PPP1R18: variants seen among roughly 807,000 people sequenced by gnomAD.
PPP1R18 encodes the protein phostensin.
Under a neutral mutation model 54.8 loss-of-function variants are expected in PPP1R18, and 31 were observed. That is an observed-to-expected ratio of 0.57 (90% confidence interval 0.43 to 0.76). The LOEUF is 0.76. Ranked by LOEUF, PPP1R18 falls within the 30% of genes least tolerant of loss-of-function variation. PPP1R18 has a pLI of 0.00. For missense variants in PPP1R18, 685 were observed against 776.1 expected (o/e 0.88, Z 1.39); for synonymous variants, 310 against 320.2 (o/e 0.97, Z 0.34).
rs1389817213 is a variant in PPP1R18, at chr6:30,685,429, C to G, written c.590G>C (p.Gly197Ala). 6 of 1,612,948 alleles carry G rather than the reference C, an allele frequency of 3.7e-6. No homozygotes were observed. In the African/African-American group the frequency reaches 5.3e-5, roughly 14 times the overall value. The change falls in exon 1 of 3, where the codon GGA becomes GCA. Residue 197 changes from glycine (G) to alanine (A), a missense_variant. Transcript: ENST00000274853. This position sits in a 1 kb window ranked among gnomAD's most constrained non-coding sequence, Gnocchi z 5.0. Reference protein sequence around the residue: ...SEAWKWRLSPGETPERSLRLA... With the variant: ...SEAWKWRLSPAETPERSLRLA... ...TCTCAGACTCCGCTCTGGAGTTTCT[C>G]CAGGACTCAGCCTCCATTTCCATGC...
At position 30,684,323 on chromosome 6, in the gene PPP1R18, C is replaced by G; in HGVS notation, c.1611+85G>C. 7.5e-7 allele frequency: 1 copy of G among 1,330,626 alleles called. No individual in the cohort carries two copies. Among genetic ancestry groups the G allele is most frequent in the Non-Finnish European group, 1.0e-6 (1 of 979,812 alleles). 82.4% of individuals were successfully genotyped at this position (1,330,626 alleles called of 1,614,324 possible). ...GAAAGAATAGAGGAAGACAAGAAAA[C>G]AGGGGTATAAAAAAGAAAGAGACCA... is the stretch of plus-strand genomic sequence containing the variant. On this transcript the variant is annotated intron_variant, in intron 1 of 2. Coordinates refer to ENST00000274853, the MANE Select transcript of PPP1R18 (RefSeq NM_133471.4). This position sits in a 1 kb window ranked among gnomAD's most constrained non-coding sequence, Gnocchi z 6.0.
In PPP1R18 at chr6:30,686,345, C is replaced by G. The variant is rs907928492; in HGVS notation, c.-327G>C. On this transcript the variant is annotated 5_prime_UTR_variant, in exon 1 of 3. Coordinates refer to ENST00000274853, the MANE Select transcript of PPP1R18 (RefSeq NM_133471.4). ...CACAGGGTTAATGCGTATTAAAGACCGTCTCTAGGATGTGAGAAAGAGAGA... is the reference window on the plus strand; with the variant it reads ...CACAGGGTTAATGCGTATTAAAGACGGTCTCTAGGATGTGAGAAAGAGAGA... 7.3e-5 allele frequency: 27 copies of G among 367,688 alleles called. No individual in the cohort carries two copies. Among genetic ancestry groups the G allele is most frequent in the Non-Finnish European group, 8.8e-5 (18 of 204,882 alleles). 22.8% of individuals were successfully genotyped at this position (367,688 alleles called of 1,614,324 possible).
In PPP1R18 at chr6:30,684,267, A is replaced by G. The variant is rs1770720046; in HGVS notation, c.1611+141T>C. On this transcript the variant is annotated intron_variant, in intron 1 of 2. Coordinates refer to ENST00000274853, the MANE Select transcript of PPP1R18 (RefSeq NM_133471.4). This position sits in a 1 kb window ranked among gnomAD's most constrained non-coding sequence, Gnocchi z 6.0. ...CTGAGAAGGAAGGGTGTATGTGCAG[A>G]GCGAGGAAGGGTGGTGGCAGGAATT... The G allele has an allele frequency of 1.2e-6, 1 of 830,828 alleles. No individual in the cohort carries two copies. Among genetic ancestry groups the G allele is most frequent in the Non-Finnish European group, 1.8e-6 (1 of 559,412 alleles). 51.5% of individuals were successfully genotyped at this position (830,828 alleles called of 1,614,324 possible).
In PPP1R18 at chr6:30,684,358, G is replaced by A. The variant is rs1562026186; in HGVS notation, c.1611+50C>T. 1 of 1,491,918 alleles carries A rather than the reference G, an allele frequency of 6.7e-7. No individual in the cohort carries two copies. Among genetic ancestry groups the A allele is most frequent in the Non-Finnish European group, 8.9e-7 (1 of 1,118,362 alleles). 92.4% of individuals were successfully genotyped at this position (1,491,918 alleles called of 1,614,324 possible). A position where few individuals can be genotyped will look rare whatever the true frequency, so the allele number is the denominator to read the frequency against. ...AAAAAGAAAGAGACCAGAGTCCAGA[G>A]AAAATTGACAAGTGGACTTCTAAGA... On this transcript the variant is annotated intron_variant, in intron 1 of 2. Transcript: ENST00000274853. The surrounding 1 kb of genome is among the most constrained non-coding windows in gnomAD (Gnocchi z 6.0).
chr6:30,684,622 CGGG>C lies in PPP1R18; in HGVS notation c.1394_1396del (p.Pro465del), dbSNP rs1770755200. 1.3e-6 allele frequency: 2 copies of C among 1,518,170 alleles called. No homozygotes were observed. Among genetic ancestry groups the C allele is most frequent in the Middle Eastern group, 1.8e-4 (1 of 5,664 alleles). 94.0% of individuals were successfully genotyped at this position (1,518,170 alleles called of 1,614,324 possible). On this transcript the variant is annotated inframe_deletion, in exon 1 of 3. Coordinates refer to ENST00000274853, the MANE Select transcript of PPP1R18 (RefSeq NM_133471.4). The surrounding 1 kb of genome is among the most constrained non-coding windows in gnomAD (Gnocchi z 6.0). ...GACGGTGAAGGTGTGTCCACTGCGG[CGGG>C]GGGCCCCCACCCCTGGCCCTGCCTT...
chr6:30,682,443 T>C (rs905740607), intron 1 of PPP1R18, among the ~76,000 whole-genome samples: 4 of 152,088 alleles, frequency 2.6e-5, no homozygotes, highest in Non-Finnish European at 4.4e-5. Flanking sequence ...TTAGGGAAGG[T>C]GAAGCGGGGG....
intron 1 of PPP1R18, among the ~76,000 whole-genome samples, chr6:30,681,075 ACT>A (rs1216342740): frequency 3.0e-5 from 4 of 133,208 alleles, no homozygotes; most frequent in Admixed American, 7.9e-5. Context: ...ACAGAGCAAG[ACT>A]CTGTCTCAAA....
chr6:30,685,278 C>T lies in PPP1R18; in HGVS notation c.741G>A (p.Glu247=), dbSNP rs1274541509. The change falls in exon 1 of 3, where the codon GAG becomes GAA. Residue 247 remains glutamate (E), a synonymous_variant. Coordinates refer to ENST00000274853, the MANE Select transcript of PPP1R18 (RefSeq NM_133471.4). The surrounding 1 kb of genome is among the most constrained non-coding windows in gnomAD (Gnocchi z 5.0). ...GTTGTACCAAACTCTGTTCCTGAGA[C>T]TCTCTGGAGTCAGGTCTCCATTTAT... is the stretch of plus-strand genomic sequence containing the variant. ...EAHKWRPDSR[E]SQEQSLVQLE... The T allele has an allele frequency of 6.2e-7, 1 of 1,613,118 alleles. No individual in the cohort carries two copies. The highest frequency in any genetic ancestry group is 8.5e-7 in the Non-Finnish European group (1 of 1,180,028).
At position 30,686,210 on chromosome 6, in the gene PPP1R18, G is replaced by T. The variant is rs1209481251; in HGVS notation, c.-192C>A. 3.6e-6 allele frequency: 2 copies of T among 562,578 alleles called. No individual in the cohort carries two copies. The highest frequency in any genetic ancestry group is 6.1e-6 in the Non-Finnish European group (2 of 327,920). The allele number at this position is 562,578 out of a possible 1,614,324, so 34.8% of individuals were successfully genotyped here. On this transcript the variant is annotated 5_prime_UTR_variant, in exon 1 of 3. Coordinates refer to ENST00000274853, the MANE Select transcript of PPP1R18 (RefSeq NM_133471.4). The stretch of plus-strand genomic sequence containing the variant: ...GAAAGACGGAAGGCAGAGAACTGGG[G>T]AAATGGAAAAAGTGAAGAGAAGTTG...
intron 2 of PPP1R18, among the ~76,000 whole-genome samples, chr6:30,678,891 C>T (rs191448054): frequency 2.8e-4 from 43 of 152,272 alleles, no homozygotes; most frequent in African/African-American, 9.4e-4. Flanking sequence ...TGAGATCACA[C>T]AATTAAAGAG....
rs762730509 is a variant in PPP1R18 at position 30,685,012 on chromosome 6, A to C, written c.1007T>G (p.Leu336Arg). ...CCATTCTCGAGCCTTCCCGGAGTTC[A>C]GGGTCCATTTCCACCCTTCTGTTGG... Reference protein sequence around the residue: ...MKPTEGWKWTLNSGKAREWTP... With the variant: ...MKPTEGWKWTRNSGKAREWTP... Residue 336 changes from leucine (L) to arginine (R), a missense_variant, in exon 1 of 3, where the codon CTG becomes CGG. Transcript: ENST00000274853. This position sits in a 1 kb window ranked among gnomAD's most constrained non-coding sequence, Gnocchi z 5.0. 3.7e-6 allele frequency: 6 copies of C among 1,613,136 alleles called. No homozygotes were observed. The East Asian group carries it at 1.3e-4, about 36-fold the overall frequency.
Position 30,677,116 on chromosome 6 carries a change from C to G in PPP1R18, c.*153G>C. The G allele has an allele frequency of 1.3e-6, 1 of 781,820 alleles. No homozygotes were observed. The highest frequency in any genetic ancestry group is 2.3e-6 in the Non-Finnish European group (1 of 437,466). The allele number at this position is 781,820 out of a possible 1,614,324, so 48.4% of individuals were successfully genotyped here. On this transcript the variant is annotated 3_prime_UTR_variant, in exon 3 of 3. Coordinates refer to ENST00000274853, the MANE Select transcript of PPP1R18 (RefSeq NM_133471.4). ...GGTAGAAATTGGGCAATTGGCTCTG[C>G]CCCCAGAAACAGGGTGGGGAAAGCA...
In PPP1R18 at chr6:30,679,333, C is replaced by A; in HGVS notation, c.1668G>T (p.Glu556Asp). The change falls in exon 2 of 3, where the codon GAG (glutamate) becomes GAT (aspartate). Residue 556 changes from glutamate (E) to aspartate (D), a missense_variant. Transcript: ENST00000274853. ...ALETTYQYPSESSVLEELGPE... is the reference protein window; with the variant it reads ...ALETTYQYPSDSSVLEELGPE... ...GGCCCAGCTCCTCCAGTACCGAACT[C>A]TCGGAGGGGTATTGGTACGTGGTCT... 6.4e-7 allele frequency: 1 copy of A among 1,558,084 alleles called. No homozygotes were observed.
At position 30,685,174 on chromosome 6, in the gene PPP1R18, C is replaced by T; in HGVS notation, c.845G>A (p.Trp282Ter). ...YSEECGRKEE[W>*]PVPGVAPKET... ...TTTTGGAGCTACCCCTGGAACTGGC[C>T]ACTCTTCTTTTCTCCCACATTCTTC... Residue 282 changes from tryptophan (W) to a stop codon, truncating the protein, a stop_gained, in exon 1 of 3, where the codon TGG becomes TAG. Transcript: ENST00000274853. LOFTEE classifies it high-confidence loss of function. This position sits in a 1 kb window ranked among gnomAD's most constrained non-coding sequence, Gnocchi z 5.0. 3.7e-6 allele frequency: 6 copies of T among 1,613,090 alleles called. No homozygotes were observed. Among genetic ancestry groups the T allele is most frequent in the Non-Finnish European group, 5.1e-6 (6 of 1,180,028 alleles).
Position 30,677,152 on chromosome 6 carries a change from T to C in PPP1R18, c.*117A>G, listed in dbSNP as rs534789086. 2 of 955,584 alleles carry C rather than the reference T, an allele frequency of 2.1e-6. No individual in the cohort carries two copies. Among genetic ancestry groups the C allele is most frequent in the East Asian group, 2.4e-5 (1 of 41,850 alleles). 59.2% of individuals were successfully genotyped at this position (955,584 alleles called of 1,614,324 possible). A position where few individuals can be genotyped will look rare whatever the true frequency, so the allele number is the denominator to read the frequency against. On this transcript the variant is annotated 3_prime_UTR_variant, in exon 3 of 3. Transcript: ENST00000274853. ...AGGGTGGGGAAAGCAAGTTACAAGA[T>C]GTTGGTTGCCCTTCCCTGCCAGGCT... is the stretch of plus-strand genomic sequence containing the variant.
At chr6:30,680,447 C>T (rs894132952) in intron 1 of PPP1R18, among the ~76,000 whole-genome samples, 12 of 152,136 alleles carry the variant, frequency 7.9e-5, no homozygotes, top group Middle Eastern at 3.4e-3. Context: ...TGGGGTCAGC[C>T]GTACATCCCT....
rs774380491 is a variant in PPP1R18 at position 30,685,879 on chromosome 6, C to T, written c.140G>A (p.Arg47His). ...AGGGGACAGCCCAAGCTTGGCCCGG[C>T]GGCGCTCCAGGAGCCCTCGTTTCCA... The part of the protein sequence containing the change: ...PAWKRGLLER[R>H]RAKLGLSPGE... Residue 47 changes from arginine (R) to histidine (H), a missense_variant, in exon 1 of 3, where the codon CGC becomes CAC. Transcript: ENST00000274853. The surrounding 1 kb of genome is among the most constrained non-coding windows in gnomAD (Gnocchi z 5.0). The T allele has an allele frequency of 2.5e-6, 4 of 1,611,298 alleles. No homozygotes were observed. Among genetic ancestry groups the T allele is most frequent in the African/African-American group, 1.3e-5 (1 of 74,942 alleles).
chr6:30,684,325 G>A lies in PPP1R18; in HGVS notation c.1611+83C>T. ...AAGAATAGAGGAAGACAAGAAAACA[G>A]GGGTATAAAAAAGAAAGAGACCAGA... On this transcript the variant is annotated intron_variant, in intron 1 of 2. Coordinates refer to ENST00000274853, the MANE Select transcript of PPP1R18 (RefSeq NM_133471.4). The surrounding 1 kb of genome is among the most constrained non-coding windows in gnomAD (Gnocchi z 6.0). The A allele has an allele frequency of 2.2e-6, 3 of 1,339,196 alleles. No homozygotes were observed. The highest frequency in any genetic ancestry group is 3.0e-6 in the Non-Finnish European group (3 of 986,478). The allele number at this position is 1,339,196 out of a possible 1,614,324, so 83.0% of individuals were successfully genotyped here.
chr6:30,678,205 C>T (rs1770310091), intron 2 of PPP1R18, among the ~76,000 whole-genome samples: 1 of 151,134 alleles, frequency 6.6e-6, no homozygotes, highest in Non-Finnish European at 1.5e-5. Flanking sequence ...GCCACCGTGC[C>T]TGGCCTGTTT....
Sources: gnomAD v4.1 joint callset for allele counts (sites outside exome capture counted in the v4.1 genomes callset) on GRCh38, gnomAD v4.1.1 for gene constraint, Gnocchi (gnomAD v3.1) non-coding constraint, MANE v1.5 for transcripts, NCBI Gene and HGNC (gene_info 2026-07-23, HGNC 2026-07-21) for gene names.